The following CPED1 variants were observed in gnomAD, a reference collection of about 807,000 sequenced individuals.
CPED1 encodes cadherin-like and PC-esterase domain-containing protein 1.
A neutral mutation model predicts 128.2 loss-of-function variants in CPED1; 114 were observed. That is an observed-to-expected ratio of 0.89 (90% CI 0.76 to 1.04). The LOEUF (loss-of-function observed/expected upper bound fraction) is 1.04, where lower values mean the gene tolerates loss of function less well. Among genes scored for constraint, CPED1 ranks in the 50% least tolerant of loss-of-function variants. CPED1 has a pLI of 0.00. For missense variants in CPED1, 1,211 were observed against 1,207.1 expected, an observed-to-expected ratio of 1.00 and a Z score of -0.05; for synonymous variants, 462 against 426.7, an observed-to-expected ratio of 1.08 and a Z score of -1.02.
At chr7:121,215,641 ATTAT>A (rs1797743293) in intron 16 of CPED1, among the ~76,000 whole-genome samples, 1 of 152,090 alleles carries the variant, frequency 6.6e-6, no homozygotes, top group Non-Finnish European at 1.5e-5. Flanking sequence ...TCTTCATATC[ATTAT>A]TTATTTGATA....
chr7:121,293,208 G>A (rs192714940), intron 22 of CPED1, among the ~76,000 whole-genome samples: 6 of 152,292 alleles, frequency 3.9e-5, no homozygotes, highest in Non-Finnish European at 2.9e-5. Flanking sequence ...TTCTTTCAGA[G>A]ATGCCCCGCC....
chr7:121,262,057 A>C (rs1792030552), intron 18 of CPED1: 1 of 285,474 alleles, frequency 3.5e-6, no homozygotes, highest in Non-Finnish European at 6.6e-6. Context: ...TCCCCACAGT[A>C]ATTACTCACA....
chr7:121,033,701 A>G (rs899462487), intron 3 of CPED1, among the ~76,000 whole-genome samples: 3 of 152,246 alleles, frequency 2.0e-5, no homozygotes, highest in African/African-American at 4.8e-5. Context: ...GGTTGGGTTC[A>G]ATAAATCTCC....
At chr7:121,090,766 T>C (rs1262086948) in intron 5 of CPED1, among the ~76,000 whole-genome samples, 1 of 152,080 alleles carries the variant, frequency 6.6e-6, no homozygotes, top group Non-Finnish European at 1.5e-5. Context: ...CTGGCCAACA[T>C]GGTGAAACCC....
At chr7:121,253,098 G>A (rs995904602) in intron 18 of CPED1, among the ~76,000 whole-genome samples, 6 of 152,050 alleles carry the variant, frequency 3.9e-5, no homozygotes, top group African/African-American at 1.2e-4. Context: ...TTAAGAAAAT[G>A]TGGCACATAT....
chr7:121,141,842 T>C (rs1795911332), intron 15 of CPED1, 131 bp from the exon 16 acceptor site: 1 of 615,678 alleles, frequency 1.6e-6, no homozygotes, highest in Admixed American at 2.8e-5. Context: ...TTAGGTTTCT[T>C]ATGAAATTGT....
chr7:120,996,197 T>C (rs764065234), intron 2 of CPED1, among the ~76,000 whole-genome samples: 6 of 151,934 alleles, frequency 3.9e-5, no homozygotes, highest in Non-Finnish European at 7.4e-5. Context: ...GGTGGGAGGA[T>C]TGCTTGAGCC....
intron 9 of CPED1, among the ~76,000 whole-genome samples, chr7:121,126,119 T>A (rs1795498197): frequency 6.6e-6 from 1 of 152,208 alleles, no homozygotes; most frequent in Non-Finnish European, 1.5e-5. Context: ...AATTTTTCTA[T>A]GGTTCAAGTA....
chr7:121,191,060 A>G (rs1365118645), intron 16 of CPED1, among the ~76,000 whole-genome samples: 2 of 152,154 alleles, frequency 1.3e-5, no homozygotes, highest in Non-Finnish European at 2.9e-5. Context: ...ACTGGGAGGT[A>G]AAGGCCATGT....
chr7:121,272,259 T>C (rs1792247474), intron 22 of CPED1, among the ~76,000 whole-genome samples: 1 of 152,158 alleles, frequency 6.6e-6, no homozygotes, highest in South Asian at 2.1e-4. Context: ...CCTTCTCTAC[T>C]TTTATTCTTC....
At chr7:121,037,765 T>G (rs1218423914) in intron 3 of CPED1, among the ~76,000 whole-genome samples, 1 of 152,218 alleles carries the variant, frequency 6.6e-6, no homozygotes, top group Non-Finnish European at 1.5e-5. Context: ...TACTCATCCA[T>G]GAGCATGGGA....
intron 2 of CPED1, among the ~76,000 whole-genome samples, chr7:121,007,230 C>CTTTTTTTTTTTTTTTTT (rs147867549): frequency 8.6e-5 from 10 of 115,848 alleles, no homozygotes; most frequent in South Asian, 6.4e-4. Flanking sequence ...GTTCAGGTTG[C>CTTTTTTTTTTTTTTTTT]ATTTTTTTTT....
intron 7 of CPED1, among the ~76,000 whole-genome samples, chr7:121,120,611 T>C (rs1197563305): frequency 6.6e-6 from 1 of 152,188 alleles, no homozygotes; most frequent in East Asian, 1.9e-4. Flanking sequence ...TCAAGAACAT[T>C]ACTTTGAAAA....
intron 16 of CPED1, among the ~76,000 whole-genome samples, chr7:121,158,286 G>T (rs1263207069): frequency 6.6e-6 from 1 of 152,172 alleles, no homozygotes; most frequent in Non-Finnish European, 1.5e-5. Flanking sequence ...AATGATTTGT[G>T]TAAAGCCCCC....
chr7:121,208,577 A>C (rs1168446160), intron 16 of CPED1, among the ~76,000 whole-genome samples: 2 of 152,058 alleles, frequency 1.3e-5, no homozygotes, highest in Non-Finnish European at 2.9e-5. Context: ...ACAGGGTCAC[A>C]AAGATGGTGA....
intron 3 of CPED1, among the ~76,000 whole-genome samples, chr7:121,041,083 C>G (rs983805885): frequency 6.6e-6 from 1 of 151,950 alleles, no homozygotes; most frequent in Non-Finnish European, 1.5e-5. Flanking sequence ...AGCTAAGAAC[C>G]AAAATTATAT....
intron 3 of CPED1, among the ~76,000 whole-genome samples, chr7:121,021,566 G>A (rs541336037): frequency 1.3e-5 from 2 of 151,888 alleles, no homozygotes; most frequent in South Asian, 2.1e-4. Context: ...TAAGTAAGAC[G>A]AGCTTAACCA....
intron 3 of CPED1, 87 bp downstream of exon 3, chr7:121,015,935 A>G (rs960068762): frequency 1.0e-6 from 1 of 984,332 alleles, no homozygotes; most frequent in Non-Finnish European, 1.3e-6. Context: ...CCCTCTAAAA[A>G]AATTTATAAA....
At chr7:121,036,489 G>GTATATATA (rs144901835) in intron 3 of CPED1, among the ~76,000 whole-genome samples, 7 of 138,664 alleles carry the variant, frequency 5.0e-5, no homozygotes, top group African/African-American at 1.9e-4. Context: ...CATGGTGTGT[G>GTATATATA]TATATATATA....
Sources: gnomAD v4.1 joint callset for allele counts (sites outside exome capture counted in the v4.1 genomes callset) on GRCh38, gnomAD v4.1.1 for gene constraint, MANE v1.5 for transcripts, NCBI Gene and HGNC (gene_info 2026-07-23, HGNC 2026-07-21) for gene names.